SDCBP: variants seen among roughly 807,000 people sequenced by gnomAD.
SDCBP encodes syntenin-1.
SDCBP carries 22 observed loss-of-function variants against 30.5 expected under a neutral mutation model. The observed-to-expected ratio is 0.72, with a 90% CI of 0.52 to 1.03. The LOEUF is 1.03. Among genes scored for constraint, SDCBP ranks in the 50% least tolerant of loss-of-function variants. The pLI is 0.00. For missense variants in SDCBP, 304 were observed against 369.9 expected, an observed-to-expected ratio of 0.82 and a Z score of 1.46; for synonymous variants, 103 against 118.7, an observed-to-expected ratio of 0.87 and a Z score of 0.86.
intron 1 of SDCBP, among the ~76,000 whole-genome samples, chr8:58,557,351 T>C (rs1309204737): frequency 7.3e-5 from 10 of 136,238 alleles, no homozygotes; most frequent in Admixed American, 4.5e-4. Context: ...ATATAAAATA[T>C]ATAGATATAT....
At position 58,565,004 on chromosome 8, in the gene SDCBP, T is replaced by C. The variant is rs1563507112; in HGVS notation, c.-15-15T>C. On this transcript the variant is annotated splice_polypyrimidine_tract_variant and intron_variant, in intron 1 of 8. Coordinates refer to ENST00000260130, the MANE Select transcript of SDCBP (RefSeq NM_005625.4). ...CTATGACATTAGAGTAATAAAACTTTCTTTTTTTCTTTAGAAGAATCCTGC... is the reference window on the plus strand; with the variant it reads ...CTATGACATTAGAGTAATAAAACTTCCTTTTTTTCTTTAGAAGAATCCTGC... 1 of 1,510,230 alleles carries C rather than the reference T, an allele frequency of 6.6e-7. No individual in the cohort carries two copies. Among genetic ancestry groups the C allele is most frequent in the Admixed American group, 1.8e-5 (1 of 56,298 alleles). The allele number at this position is 1,510,230 out of a possible 1,614,324, so 93.6% of individuals were successfully genotyped here.
At chr8:58,564,411 T>G (rs1804598359) in intron 1 of SDCBP, among the ~76,000 whole-genome samples, 2 of 152,240 alleles carry the variant, frequency 1.3e-5, no homozygotes. Flanking sequence ...AAAAACATAC[T>G]TCTACTTAAT....
chr8:58,572,365 T>C (rs1270270108), intron 4 of SDCBP, 51 bp downstream of exon 4: 8 of 1,225,720 alleles, frequency 6.5e-6, no homozygotes, highest in Non-Finnish European at 8.4e-6. Flanking sequence ...ACTTTACATG[T>C]TAGTATAAGC....
intron 4 of SDCBP, among the ~76,000 whole-genome samples, chr8:58,575,388 T>C (rs1450786881): frequency 3.9e-5 from 6 of 152,184 alleles, no homozygotes; most frequent in African/African-American, 1.2e-4. Flanking sequence ...TGTTAATCCA[T>C]AGATGGTTAC....
chr8:58,578,644 A>G (rs1220183327), intron 6 of SDCBP, among the ~76,000 whole-genome samples: 1 of 152,204 alleles, frequency 6.6e-6, no homozygotes, highest in African/African-American at 2.4e-5. Flanking sequence ...AGTTTTCAAG[A>G]ACATGGAATA....
Position 58,558,917 on chromosome 8 carries a change from T to G in SDCBP, c.-16+5614T>G, listed in dbSNP as rs144566096. Among the ~76,000 whole-genome samples, 115 of 152,288 alleles carry G rather than the reference T, an allele frequency of 7.6e-4. 1 individual carries two copies. Among genetic ancestry groups the G allele is most frequent in the African/African-American group, 2.7e-3 (113 of 41,558 alleles). On this transcript the variant is annotated intron_variant, in intron 1 of 8. Transcript: ENST00000260130. ...AGTCAGTGGTTTGCAGCTACAACATTTTAATACGTGGAAAGAAATTTAATG... is the reference window on the plus strand; with the variant it reads ...AGTCAGTGGTTTGCAGCTACAACATGTTAATACGTGGAAAGAAATTTAATG...
Position 58,572,324 on chromosome 8 carries a change from G to T in SDCBP, c.240+10G>T, listed in dbSNP as rs777918518. On this transcript the variant is annotated intron_variant, in intron 4 of 8. Coordinates refer to ENST00000260130, the MANE Select transcript of SDCBP (RefSeq NM_005625.4). ...TGCACCACTTCAGGGGGTATGTATA[G>T]TGTAATTAATTTTGATTTATATAAA... 1.4e-5 allele frequency: 22 copies of T among 1,528,808 alleles called. 2 individuals carry two copies. The South Asian group carries it at 2.5e-4, about 17-fold the overall frequency. 94.7% of individuals were successfully genotyped at this position (1,528,808 alleles called of 1,614,324 possible). A position where few individuals can be genotyped will look rare whatever the true frequency, so the allele number is the denominator to read the frequency against.
chr8:58,573,231 A>G (rs1805131085), intron 4 of SDCBP, among the ~76,000 whole-genome samples: 1 of 152,200 alleles, frequency 6.6e-6, no homozygotes, highest in Non-Finnish European at 1.5e-5. Context: ...TGACCATAGC[A>G]CTTTGTACCA....
intron 1 of SDCBP, among the ~76,000 whole-genome samples, chr8:58,556,284 T>A (rs1426309869): frequency 2.0e-5 from 3 of 152,078 alleles, no homozygotes; most frequent in African/African-American, 7.2e-5. Flanking sequence ...GCATGCACAA[T>A]TCACAATAGG....
At chr8:58,554,141 C>T (rs1043699331) in intron 1 of SDCBP, among the ~76,000 whole-genome samples, 1 of 152,168 alleles carries the variant, frequency 6.6e-6, no homozygotes, top group African/African-American at 2.4e-5. Context: ...GTCTGTATAA[C>T]CACATACACA....
intron 1 of SDCBP, among the ~76,000 whole-genome samples, chr8:58,563,798 T>C (rs1804560569): frequency 6.6e-6 from 1 of 152,158 alleles, no homozygotes; most frequent in Admixed American, 6.5e-5. Flanking sequence ...TCAGGTCTGG[T>C]TGAAGAGGGG....
At chr8:58,555,090 T>C (rs975311615) in intron 1 of SDCBP, among the ~76,000 whole-genome samples, 1 of 152,222 alleles carries the variant, frequency 6.6e-6, no homozygotes, top group Admixed American at 6.5e-5. Context: ...CATTTTGCTC[T>C]TATTTTTCCA....
At position 58,581,986 on chromosome 8, in the gene SDCBP, A is replaced by G; in HGVS notation, c.*246A>G. 2 of 482,192 alleles carry G rather than the reference A, an allele frequency of 4.1e-6. No individual in the cohort carries two copies. Among genetic ancestry groups the G allele is most frequent in the South Asian group, 2.4e-5 (1 of 41,210 alleles). The allele number at this position is 482,192 out of a possible 1,614,324, so 29.9% of individuals were successfully genotyped here. A position where few individuals can be genotyped will look rare whatever the true frequency, so the allele number is the denominator to read the frequency against. The stretch of plus-strand genomic sequence containing the variant: ...CAAGAGATTTACTGACTTTCCTAGA[A>G]TAGTTTCTCTACTGGAAACCTGATG... On this transcript the variant is annotated 3_prime_UTR_variant, in exon 9 of 9. Transcript: ENST00000260130.
intron 2 of SDCBP, among the ~76,000 whole-genome samples, chr8:58,565,635 T>C (rs1804668090): frequency 6.6e-6 from 1 of 152,132 alleles, no homozygotes. Flanking sequence ...GCAGTATTTC[T>C]AATTGCATTG....
chr8:58,565,413 T>C (rs537263134), intron 2 of SDCBP, among the ~76,000 whole-genome samples: 2 of 152,104 alleles, frequency 1.3e-5, no homozygotes, highest in Non-Finnish European at 2.9e-5. Flanking sequence ...TTGTATAAAA[T>C]TGGTATATTT....
chr8:58,567,627 G>A (rs1156487507), intron 2 of SDCBP, among the ~76,000 whole-genome samples: 4 of 152,260 alleles, frequency 2.6e-5, no homozygotes, highest in East Asian at 1.9e-4. Flanking sequence ...GCTTAAAGAC[G>A]GATATGTTCT....
intron 5 of SDCBP, among the ~76,000 whole-genome samples, chr8:58,576,814 C>A (rs1019394853): frequency 6.6e-6 from 1 of 152,218 alleles, no homozygotes; most frequent in African/African-American, 2.4e-5. Context: ...TCATACATCT[C>A]TAGCTTAGTG....
chr8:58,565,796 G>A (rs2129607699), intron 2 of SDCBP, among the ~76,000 whole-genome samples: 1 of 152,166 alleles, frequency 6.6e-6, no homozygotes, highest in Non-Finnish European at 1.5e-5. Flanking sequence ...AGTATATGAT[G>A]AATTTGTTTA....
intron 2 of SDCBP, among the ~76,000 whole-genome samples, chr8:58,567,735 G>A (rs532025578): frequency 6.6e-6 from 1 of 152,264 alleles, no homozygotes; most frequent in East Asian, 1.9e-4. Context: ...AGGCAGTATG[G>A]TATAGTCTGT....
Sources: allele counts gnomAD v4.1 joint callset (sites outside exome capture counted in the v4.1 genomes callset), GRCh38; gene constraint gnomAD v4.1.1; transcripts MANE v1.5; gene names NCBI Gene and HGNC (gene_info 2026-07-23, HGNC 2026-07-21).